ENTPD2: variants seen among roughly 807,000 people sequenced by gnomAD.
ENTPD2 encodes the protein CD39 antigen-like 1.
A neutral mutation model predicts 46.8 loss-of-function variants in ENTPD2; 48 were observed. The observed-to-expected ratio is 1.03, with a 90% CI of 0.81 to 1.30. ENTPD2 has a LOEUF of 1.30. Ranked by LOEUF, ENTPD2 falls within the 50% of genes most tolerant of loss-of-function variation. The probability of loss-of-function intolerance (pLI) is 0.00; values close to 1 mark genes in which losing one functional copy is unlikely to be tolerated. For synonymous variants in ENTPD2, 316 were observed against 286.1 expected, an observed-to-expected ratio of 1.10 and a Z score of -1.06; for missense variants, 707 against 651.1, an observed-to-expected ratio of 1.09 and a Z score of -0.93.
chr9:137,051,945 G>A (rs1391376280), intron 2 of ENTPD2, among the ~76,000 whole-genome samples: 2 of 152,200 alleles, frequency 1.3e-5, no homozygotes, highest in African/African-American at 2.4e-5. Context: ...GGGTGTGTCC[G>A]CCAGGCCCCC....
rs1192654669 is a variant in ENTPD2 at position 137,049,413 on chromosome 9, G to A, written c.1150-338C>T. The stretch of plus-strand genomic sequence containing the variant: ...CAGGCCTGAGTCTGCCCGCTGGCTC[G>A]CCGCCTGTCCCCACCTCCCTCACCC... On this transcript the variant is annotated intron_variant, in intron 7 of 8. Transcript: ENST00000355097. The A allele has an allele frequency of 1.1e-4, 64 of 563,334 alleles. 1 individual carries two copies. Among genetic ancestry groups the A allele is most frequent in the South Asian group, 4.9e-4 (29 of 58,908 alleles). The allele number at this position is 563,334 out of a possible 1,614,324, so 34.9% of individuals were successfully genotyped here.
chr9:137,048,743 G>C lies in ENTPD2; in HGVS notation c.1402C>G (p.Leu468Val). The change falls in exon 9 of 9, where the codon CTG (leucine) becomes GTG (valine). Residue 468 changes from leucine to valine, a missense_variant. By Grantham distance (32) the Leu-to-Val change is conservative. Transcript: ENST00000355097. ...GTDFSSWVVL[L>V]LLFASALLAA... ...AGGAGCGCGGAGGCGAAGAGCAGCAGGAGGACGACCCAGGAGCTGAAGTCT... is the reference window on the plus strand; with the variant it reads ...AGGAGCGCGGAGGCGAAGAGCAGCACGAGGACGACCCAGGAGCTGAAGTCT... The C allele has an allele frequency of 6.2e-7, 1 of 1,604,694 alleles. No individual in the cohort carries two copies. Among genetic ancestry groups the C allele is most frequent in the African/African-American group, 1.3e-5 (1 of 74,940 alleles).
chr9:137,049,970 T>C lies in ENTPD2; in HGVS notation c.1049A>G (p.Tyr350Cys), dbSNP rs150699539. The part of the protein sequence containing the change: ...GNFVAFSAFF[Y>C]TVDFLRTSMG... ...CGAAGTCCGCAAAAAGTCCACAGTG[T>C]AGAAGAAGGCAGAGAAGGCCTGTAG... Residue 350 changes from tyrosine to cysteine, a missense_variant, in exon 7 of 9, where the codon TAC becomes TGC. Physicochemically the swap from Tyr to Cys is radical, Grantham distance 194 (BLOSUM62 -2). Coordinates refer to ENST00000355097, the MANE Select transcript of ENTPD2 (RefSeq NM_203468.3). 575 of 1,611,920 alleles carry C rather than the reference T, an allele frequency of 3.6e-4. No individual in the cohort carries two copies. Among genetic ancestry groups the C allele is most frequent in the Non-Finnish European group, 4.8e-4 (562 of 1,179,454 alleles).
In ENTPD2 at chr9:137,050,496, G is replaced by A. The variant is rs761587692; in HGVS notation, c.817C>T (p.Gln273Ter). The change falls in exon 6 of 9, where the codon CAA becomes TAA. Residue 273 changes from glutamine to a stop codon, truncating the protein, a stop_gained. Coordinates refer to ENST00000355097, the MANE Select transcript of ENTPD2 (RefSeq NM_203468.3). LOFTEE classifies it high-confidence loss of function. ...TGGTACACATCCCCGAGCAGCACTT[G>A]GGTGGAAAAGCCCCTCGGCCAGCAG... ...HPCWPRGFST[Q>*]VLLGDVYQSP... 4 of 1,612,796 alleles carry A rather than the reference G, an allele frequency of 2.5e-6. No homozygotes were observed. The Admixed American group carries it at 5.0e-5, about 20-fold the overall frequency.
At position 137,051,274 on chromosome 9, in the gene ENTPD2, C is replaced by G; in HGVS notation, c.483G>C (p.Ser161=). The G allele has an allele frequency of 1.2e-6, 2 of 1,612,320 alleles. No individual in the cohort carries two copies. Among genetic ancestry groups the G allele is most frequent in the Non-Finnish European group, 1.7e-6 (2 of 1,179,460 alleles). Residue 161 remains serine, a synonymous_variant, in exon 4 of 9, where the codon TCG becomes TCC. Coordinates refer to ENST00000355097, the MANE Select transcript of ENTPD2 (RefSeq NM_203468.3). ...AGCCAAACACCCCCTCTTCCTGGCC[C>G]GAGAGGATGCGTGCACCCCGGAAGT... is the stretch of plus-strand genomic sequence containing the variant. The part of the protein sequence containing the change: ...PFDFRGARIL[S]GQEEGVFGWV...
intron 7 of ENTPD2, chr9:137,049,400 T>G (rs1048312957): frequency 2.2e-5 from 13 of 589,762 alleles, no homozygotes; most frequent in Non-Finnish European, 3.1e-5. Flanking sequence ...GGCCTGAGTC[T>G]GCCCGCTGGC....
At position 137,048,807 on chromosome 9, in the gene ENTPD2, G is replaced by A. The variant is rs934680226; in HGVS notation, c.1338C>T (p.Asn446=). 56 of 1,579,372 alleles carry A rather than the reference G, an allele frequency of 3.5e-5. No homozygotes were observed. The highest frequency in any genetic ancestry group is 4.6e-5 in the Non-Finnish European group (53 of 1,162,256). Residue 446 remains asparagine (N), a synonymous_variant, in exon 9 of 9, where the codon AAC becomes AAT. Coordinates refer to ENST00000355097, the MANE Select transcript of ENTPD2 (RefSeq NM_203468.3). The part of the protein sequence containing the change: ...WALGYMLNLT[N]LIPADPPGLR... ...GCCCCGGCGGGTCGGCGGGGATCAG[G>A]TTGGTCAGGTTCAGCATGTAGCCGA...
chr9:137,048,551 G>C lies in ENTPD2; in HGVS notation c.*106C>G, dbSNP rs1165719590. On this transcript the variant is annotated 3_prime_UTR_variant, in exon 9 of 9. Coordinates refer to ENST00000355097, the MANE Select transcript of ENTPD2 (RefSeq NM_203468.3). ...AGGTTGGGAGAGGGGTGGGTGGAGG[G>C]GTGGGGATACAGGGGTGGGAGGTAC... is the stretch of plus-strand genomic sequence containing the variant. 4 of 890,452 alleles carry C rather than the reference G, an allele frequency of 4.5e-6. No individual in the cohort carries two copies. Among genetic ancestry groups the C allele is most frequent in the Admixed American group, 2.6e-5 (1 of 37,952 alleles). 55.2% of individuals were successfully genotyped at this position (890,452 alleles called of 1,614,324 possible). A position where few individuals can be genotyped will look rare whatever the true frequency, so the allele number is the denominator to read the frequency against.
intron 3 of ENTPD2, 56 bp downstream of exon 3, chr9:137,051,454 A>G: frequency 6.5e-7 from 1 of 1,547,590 alleles, no homozygotes. Context: ...CCGCCCTGCA[A>G]GGGGTCACAG....
rs765724378 is a variant in ENTPD2, at chr9:137,051,528, G to A, written c.368C>T (p.Ala123Val). ...CACTCACTTGAGCAGGCGCATACCCGCTGTGGCTCCCAGGTAGAGGGGTGT... is the reference window on the plus strand; with the variant it reads ...CACTCACTTGAGCAGGCGCATACCCACTGTGGCTCCCAGGTAGAGGGGTGT... ...AGTPLYLGAT[A>V]GMRLLNLTNP... Residue 123 changes from alanine to valine, a missense_variant, in exon 3 of 9, where the codon GCG becomes GTG. Ala to Val is a moderately conservative substitution (Grantham distance 64, BLOSUM62 0). Transcript: ENST00000355097. 95 of 1,605,670 alleles carry A rather than the reference G, an allele frequency of 5.9e-5. No homozygotes were observed. The highest frequency in any genetic ancestry group is 2.7e-4 in the South Asian group (24 of 90,072).
chr9:137,049,012 C>A lies in ENTPD2; in HGVS notation c.1213G>T (p.Val405Leu), dbSNP rs1212740052. ...TAGCCGCGACTCAGCAGCTGCTGCA[C>A]GAACATGGCCCCGGCGCAGTAGTCG... ...LADYCAGAMF[V>L]QQLLSRGYGF... Residue 405 changes from valine to leucine, a missense_variant, in exon 8 of 9, where the codon GTG becomes TTG. Coordinates refer to ENST00000355097, the MANE Select transcript of ENTPD2 (RefSeq NM_203468.3). 2 of 1,537,550 alleles carry A rather than the reference C, an allele frequency of 1.3e-6. No individual in the cohort carries two copies. The highest frequency in any genetic ancestry group is 1.7e-6 in the Non-Finnish European group (2 of 1,145,510).
At position 137,049,952 on chromosome 9, in the gene ENTPD2, C is replaced by G; in HGVS notation, c.1067G>C (p.Arg356Pro). 6.2e-7 allele frequency: 1 copy of G among 1,612,602 alleles called. No homozygotes were observed. The stretch of plus-strand genomic sequence containing the variant: ...GGCCACGGGCAGCCCCATCGAAGTC[C>G]GCAAAAAGTCCACAGTGTAGAAGAA... ...SAFFYTVDFLRTSMGLPVATL... is the reference protein window; with the variant it reads ...SAFFYTVDFLPTSMGLPVATL... Residue 356 changes from arginine to proline, a missense_variant, in exon 7 of 9, where the codon CGG becomes CCG. By Grantham distance (103) the Arg-to-Pro change is moderately radical. Coordinates refer to ENST00000355097, the MANE Select transcript of ENTPD2 (RefSeq NM_203468.3).
In ENTPD2 at chr9:137,049,853, G is replaced by A; in HGVS notation, c.1149+17C>T. 6.2e-7 allele frequency: 1 copy of A among 1,605,534 alleles called. No individual in the cohort carries two copies. The highest frequency in any genetic ancestry group is 8.5e-7 in the Non-Finnish European group (1 of 1,176,332). ...AGCCCTTCCGCACAGCCCTGAAGGAGTGGGAGCGGGGCTCACCTGAGCCCA... is the reference window on the plus strand; with the variant it reads ...AGCCCTTCCGCACAGCCCTGAAGGAATGGGAGCGGGGCTCACCTGAGCCCA... On this transcript the variant is annotated intron_variant, in intron 7 of 8. Coordinates refer to ENST00000355097, the MANE Select transcript of ENTPD2 (RefSeq NM_203468.3).
chr9:137,050,613 T>A lies in ENTPD2; in HGVS notation c.775-75A>T, dbSNP rs146231324. The A allele has an allele frequency of 2.2e-4, 346 of 1,543,932 alleles. 1 individual carries two copies. The African/African-American group carries it at 4.5e-3, about 20-fold the overall frequency. ...ACCAGCCTGACAAACCTCCCACAGG[T>A]CTCACTCTGGCAACTTCACTTTTGT... On this transcript the variant is annotated intron_variant, in intron 5 of 8. Transcript: ENST00000355097.
chr9:137,051,155 A>G (rs777913963), intron 4 of ENTPD2, 26 bp from the exon 5 acceptor site: 2 of 1,612,094 alleles, frequency 1.2e-6, no homozygotes, highest in South Asian at 2.2e-5. Context: ...TGTGGGGTCA[A>G]CCAGGGGCCG....
chr9:137,051,685 CT>C, intron 2 of ENTPD2, 25 bp from the exon 3 acceptor site: 1 of 1,590,466 alleles, frequency 6.3e-7, no homozygotes, highest in Non-Finnish European at 8.6e-7. Flanking sequence ...AGAGATGAGC[CT>C]ATGCCTCACG....
intron 1 of ENTPD2, 131 bp downstream of exon 1, chr9:137,053,750 C>A: frequency 1.7e-6 from 1 of 577,460 alleles, no homozygotes; most frequent in Non-Finnish European, 2.5e-6. Flanking sequence ...GGGACCCCAC[C>A]CAGCCCGCCA....
intron 7 of ENTPD2, 124 bp from the exon 8 acceptor site, chr9:137,049,199 AC>A: frequency 6.9e-7 from 1 of 1,457,942 alleles, no homozygotes; most frequent in Non-Finnish European, 9.3e-7. Context: ...GAGGCCAGAG[AC>A]CACCACACAG....
rs117593471 is a variant in ENTPD2, at chr9:137,051,749, C to T, written c.236-89G>A. 6.2e-4 allele frequency: 908 copies of T among 1,461,582 alleles called. 17 individuals carry two copies. In the East Asian group the frequency reaches 0.019, roughly 31 times the overall value. The allele number at this position is 1,461,582 out of a possible 1,614,324, so 90.5% of individuals were successfully genotyped here. ...GGAGAGTGAGGGTGGGGGTGGGGGC[C>T]GTGGGCTCCCAGACCAGGTGGCACA... On this transcript the variant is annotated intron_variant, in intron 2 of 8. Coordinates refer to ENST00000355097, the MANE Select transcript of ENTPD2 (RefSeq NM_203468.3).
Sources: allele counts gnomAD v4.1 joint callset (sites outside exome capture counted in the v4.1 genomes callset), GRCh38; gene constraint gnomAD v4.1.1; transcripts MANE v1.5; gene names NCBI Gene and HGNC (gene_info 2026-07-23, HGNC 2026-07-21).